The following GPBP1L1 variants were observed in gnomAD, a reference collection of about 807,000 sequenced individuals.
GPBP1L1 encodes vasculin-like protein 1.
Under a neutral mutation model 52.5 loss-of-function variants are expected in GPBP1L1, and 23 were observed. The ratio of observed to expected loss-of-function variants is 0.44; its 90% CI spans 0.32 to 0.62. The LOEUF is 0.62. Ranked by LOEUF, GPBP1L1 falls within the 20% of genes least tolerant of loss-of-function variation. The pLI, the probability that GPBP1L1 is intolerant of heterozygous loss-of-function variation, is 0.06. For missense variants in GPBP1L1, 596 were observed against 579.3 expected, an observed-to-expected ratio of 1.03 and a Z score of -0.30; for synonymous variants, 243 against 203.1, an observed-to-expected ratio of 1.20 and a Z score of -1.67.
At chr1:45,673,052 A>G (rs544708699) in intron 2 of GPBP1L1, among the ~76,000 whole-genome samples, 1 of 152,348 alleles carries the variant, frequency 6.6e-6, no homozygotes, top group Non-Finnish European at 1.5e-5. Flanking sequence ...TACTGCACTG[A>G]TAGGAATAAC....
At chr1:45,671,991 C>G (rs1053501505) in intron 2 of GPBP1L1, among the ~76,000 whole-genome samples, 1 of 152,126 alleles carries the variant, frequency 6.6e-6, no homozygotes, top group Non-Finnish European at 1.5e-5. Flanking sequence ...CGGTCAACTT[C>G]TTATTTAAGT....
At chr1:45,648,280 G>A (rs1644777204) in intron 6 of GPBP1L1, among the ~76,000 whole-genome samples, 1 of 152,064 alleles carries the variant, frequency 6.6e-6, no homozygotes, top group Non-Finnish European at 1.5e-5. Context: ...TTTTTACTTT[G>A]TACTAGTCAA....
intron 3 of GPBP1L1, among the ~76,000 whole-genome samples, chr1:45,659,784 A>G (rs1020710717): frequency 4.6e-5 from 7 of 152,118 alleles, no homozygotes; most frequent in African/African-American, 1.4e-4. Flanking sequence ...TACAAAAATA[A>G]TAATAAAGGA....
At chr1:45,663,705 A>G (rs776221349) in intron 2 of GPBP1L1, among the ~76,000 whole-genome samples, 13 of 152,246 alleles carry the variant, frequency 8.5e-5, no homozygotes, top group Non-Finnish European at 1.8e-4. Context: ...TAAAAGACTA[A>G]AAGGAAAAAT....
At chr1:45,646,457 T>TATTTTG (rs1331248696) in intron 6 of GPBP1L1, among the ~76,000 whole-genome samples, 6 of 152,262 alleles carry the variant, frequency 3.9e-5, no homozygotes, top group African/African-American at 1.4e-4. Flanking sequence ...TCAAGTCTAG[T>TATTTTG]ATTTTGTAAG....
chr1:45,640,877 G>C (rs970584499), intron 7 of GPBP1L1, among the ~76,000 whole-genome samples: 1 of 152,054 alleles, frequency 6.6e-6, no homozygotes, highest in African/African-American at 2.4e-5. Flanking sequence ...CATTAGCCAG[G>C]CATGGTGGTG....
chr1:45,643,391 C>A (rs1644699194), intron 6 of GPBP1L1, among the ~76,000 whole-genome samples: 2 of 152,084 alleles, frequency 1.3e-5, no homozygotes, highest in South Asian at 4.1e-4. Context: ...ATCTTTCATG[C>A]AGTTAACATT....
intron 10 of GPBP1L1, among the ~76,000 whole-genome samples, chr1:45,632,970 C>T (rs1644549231): frequency 6.6e-6 from 1 of 152,212 alleles, no homozygotes; most frequent in South Asian, 2.1e-4. Flanking sequence ...TAAAACTACA[C>T]ACCTATCAGG....
intron 2 of GPBP1L1, among the ~76,000 whole-genome samples, chr1:45,665,692 G>C (rs1044396975): frequency 7.5e-6 from 1 of 134,072 alleles, no homozygotes; most frequent in African/African-American, 2.8e-5. Flanking sequence ...AGTGAGCCAA[G>C]ATCACGCCAC....
chr1:45,642,678 C>G (rs972731748), intron 6 of GPBP1L1, among the ~76,000 whole-genome samples, 179 bp from the exon 7 acceptor site: 2 of 152,170 alleles, frequency 1.3e-5, no homozygotes, highest in Admixed American at 6.5e-5. Flanking sequence ...AACACAAAAT[C>G]AATAGGTATT....
At position 45,647,234 on chromosome 1, in the gene GPBP1L1, G is replaced by A. The variant is rs146491470; in HGVS notation, c.478-4735C>T. Among the ~76,000 whole-genome samples, 927 of 149,232 alleles carry A rather than the reference G, an allele frequency of 6.2e-3. 6 individuals are homozygous for A. Among genetic ancestry groups the A allele is most frequent in the African/African-American group, 0.022 (895 of 40,414 alleles). ...TGCCCAGGCCGGAGTGCAATGGTGCGATCTTGGCTCACTGCAACCTCTGCC... is the reference window on the plus strand; with the variant it reads ...TGCCCAGGCCGGAGTGCAATGGTGCAATCTTGGCTCACTGCAACCTCTGCC... On this transcript the variant is annotated intron_variant, in intron 6 of 12. Transcript: ENST00000355105.
intron 4 of GPBP1L1, among the ~76,000 whole-genome samples, chr1:45,658,528 G>A (rs1569839343): frequency 1.3e-5 from 2 of 152,282 alleles, no homozygotes; most frequent in Middle Eastern, 6.8e-3. Flanking sequence ...CAGTAATAAG[G>A]TAGACATTCA....
intron 4 of GPBP1L1, among the ~76,000 whole-genome samples, chr1:45,658,497 A>G (rs180874565): frequency 3.3e-5 from 5 of 152,354 alleles, no homozygotes; most frequent in East Asian, 3.9e-4. Context: ...AAAAAGAAAC[A>G]TAAAAAAGTG....
At chr1:45,631,749 T>C (rs994682565) in intron 10 of GPBP1L1, among the ~76,000 whole-genome samples, 7 of 152,156 alleles carry the variant, frequency 4.6e-5, no homozygotes, top group Non-Finnish European at 7.3e-5. Context: ...AGCAAGAAGC[T>C]ATCTCTGTAC....
chr1:45,684,647 G>A, intron 2 of GPBP1L1, among the ~76,000 whole-genome samples: 1 of 151,920 alleles, frequency 6.6e-6, no homozygotes, highest in East Asian at 1.9e-4. Flanking sequence ...TCAACTGAAT[G>A]TTTATATTAA....
Position 45,637,477 on chromosome 1 carries a change from T to C in GPBP1L1, c.744+2733A>G, listed in dbSNP as rs1037363412. On this transcript the variant is annotated intron_variant, in intron 8 of 12. Coordinates refer to ENST00000355105, the MANE Select transcript of GPBP1L1 (RefSeq NM_021639.5). ...TTACCACCTCTGCCAACTGTTACCA[T>C]CTCTGCCATTCTCTGCCAACTGTTA... Among the ~76,000 whole-genome samples the C allele has an allele frequency of 1.1e-4, 16 of 151,910 alleles. No homozygotes were observed. In the East Asian group the frequency reaches 3.1e-3, roughly 30 times the overall value.
At chr1:45,669,092 T>A (rs143885167) in intron 2 of GPBP1L1, among the ~76,000 whole-genome samples, 1 of 152,244 alleles carries the variant, frequency 6.6e-6, no homozygotes, top group South Asian at 2.1e-4. Context: ...TTCCATTCTA[T>A]CTATACTATA....
chr1:45,628,101 A>G lies in GPBP1L1; in HGVS notation c.*155T>C. 1.3e-6 allele frequency: 1 copy of G among 773,988 alleles called. No homozygotes were observed. Among genetic ancestry groups the G allele is most frequent in the South Asian group, 1.7e-5 (1 of 57,508 alleles). 47.9% of individuals were successfully genotyped at this position (773,988 alleles called of 1,614,324 possible). A position where few individuals can be genotyped will look rare whatever the true frequency, so the allele number is the denominator to read the frequency against. ...AACAGGGAAGAACAATAACAAAAGC[A>G]AAACAAGCCAATTGCTCTCTCTTTG... On this transcript the variant is annotated 3_prime_UTR_variant, in exon 13 of 13. Coordinates refer to ENST00000355105, the MANE Select transcript of GPBP1L1 (RefSeq NM_021639.5).
chr1:45,679,100 C>T (rs1303445016), intron 2 of GPBP1L1, among the ~76,000 whole-genome samples: 1 of 152,114 alleles, frequency 6.6e-6, no homozygotes, highest in Non-Finnish European at 1.5e-5. Flanking sequence ...TTTAATAAAC[C>T]ACTGATGTCC....
Sources: gnomAD v4.1 joint callset for allele counts (sites outside exome capture counted in the v4.1 genomes callset) on GRCh38, gnomAD v4.1.1 for gene constraint, MANE v1.5 for transcripts, NCBI Gene and HGNC (gene_info 2026-07-23, HGNC 2026-07-21) for gene names.